The following RUBCN variants were observed in gnomAD, a reference collection of about 807,000 sequenced individuals.
The protein encoded by RUBCN is rubicon autophagy regulator, also known as run domain Beclin-1-interacting and cysteine-rich domain-containing protein.
A neutral mutation model predicts 113.2 loss-of-function variants in RUBCN; 74 were observed. The observed-to-expected ratio is 0.65, with a 90% CI of 0.54 to 0.79. RUBCN has a LOEUF of 0.79. RUBCN is among the 30% of genes least tolerant of loss of function. The probability of loss-of-function intolerance (pLI) is 0.00; values close to 1 mark genes in which losing one functional copy is unlikely to be tolerated. For synonymous variants in RUBCN, 480 were observed against 490.0 expected, an observed-to-expected ratio of 0.98 and a Z score of 0.27; for missense variants, 1,109 against 1,251.7, an observed-to-expected ratio of 0.89 and a Z score of 1.72.
chr3:197,717,273 C>T (rs1392313029), intron 2 of RUBCN, among the ~76,000 whole-genome samples: 2 of 151,838 alleles, frequency 1.3e-5, no homozygotes, highest in Non-Finnish European at 2.9e-5. Context: ...GAAACCCCGT[C>T]TCTACTAAAA....
In RUBCN at chr3:197,671,026, G is replaced by T. The variant is rs971450568; in HGVS notation, c.*3992C>A. On this transcript the variant is annotated 3_prime_UTR_variant, in exon 20 of 20. Transcript: ENST00000296343. ...GCTGGTGCTTTTTTTGTTTTGTTTT[G>T]TTTTTTTGAGACAGGGTCTCGCTCT... is the stretch of plus-strand genomic sequence containing the variant. 3.9e-5 allele frequency among the ~76,000 whole-genome samples: 6 copies of T among 151,922 alleles called. No homozygotes were observed. Among genetic ancestry groups the T allele is most frequent in the Non-Finnish European group, 7.4e-5 (5 of 67,970 alleles).
intron 1 of RUBCN, among the ~76,000 whole-genome samples, chr3:197,742,575 C>A (rs1728569463): frequency 1.3e-5 from 2 of 152,242 alleles, no homozygotes; most frequent in Non-Finnish European, 2.9e-5. Context: ...CAGCTTCCTG[C>A]AACTCTCGCT....
Position 197,749,197 on chromosome 3 carries a change from A to T in RUBCN, c.-116+72T>A, listed in dbSNP as rs572377296. 3 of 809,660 alleles carry T rather than the reference A, an allele frequency of 3.7e-6. No homozygotes were observed. The African/African-American group carries it at 5.5e-5, about 15-fold the overall frequency. 50.2% of individuals were successfully genotyped at this position (809,660 alleles called of 1,614,324 possible). On this transcript the variant is annotated intron_variant, in intron 1 of 20. Transcript: ENST00000273582. The stretch of plus-strand genomic sequence containing the variant: ...TCCCGTAGGGATGATTAAAAAGTAA[A>T]CGAACCCTTCTATCCATTCCCAATG...
upstream of RUBCN, among the ~76,000 whole-genome samples, chr3:197,737,569 T>C (rs549782440): frequency 7.1e-4 from 108 of 151,124 alleles, no homozygotes; most frequent in African/African-American, 2.4e-3. Context: ...TGGGAAGGAG[T>C]GAGCAGCAGC....
At chr3:197,684,628 G>A (rs1476722793) in intron 11 of RUBCN, among the ~76,000 whole-genome samples, 1 of 151,282 alleles carries the variant, frequency 6.6e-6, no homozygotes, top group Non-Finnish European at 1.5e-5. Flanking sequence ...GCTCCCTTAG[G>A]CAGTAACTCT....
exon 1 of RUBCN, chr3:197,749,318 G>A: frequency 2.6e-6 from 3 of 1,148,202 alleles, no homozygotes; most frequent in Non-Finnish European, 3.3e-6. Context: ...CACCGTGCCA[G>A]ATGTTTTGAG....
intron 2 of RUBCN, among the ~76,000 whole-genome samples, chr3:197,709,707 G>T (rs1489579641): frequency 6.6e-6 from 1 of 152,066 alleles, no homozygotes. Flanking sequence ...AAAACTGAGT[G>T]GTGATGGCAA....
upstream of RUBCN, chr3:197,737,053 C>A (rs1339352907): frequency 7.7e-5 from 51 of 666,648 alleles, no homozygotes; most frequent in East Asian, 3.4e-3. Flanking sequence ...CCCTCCAATC[C>A]CAGGCCGCTC....
At chr3:197,724,675 A>C (rs1341311623) in intron 1 of RUBCN, among the ~76,000 whole-genome samples, 1 of 152,252 alleles carries the variant, frequency 6.6e-6, no homozygotes, top group Non-Finnish European at 1.5e-5. Flanking sequence ...ATGATGGAAT[A>C]CCATGAAGAA....
At position 197,683,265 on chromosome 3, in the gene RUBCN, C is replaced by T; in HGVS notation, c.1980+42G>A. The T allele has an allele frequency of 6.2e-7, 1 of 1,613,878 alleles. No individual in the cohort carries two copies. The highest frequency in any genetic ancestry group is 1.1e-5 in the South Asian group (1 of 91,068). The stretch of plus-strand genomic sequence containing the variant: ...ACGAAGGAAAACAAGGTCACAGAGG[C>T]TCACGATGGCCCCTGGGTAGGAAGA... On this transcript the variant is annotated intron_variant, in intron 13 of 19. Coordinates refer to ENST00000296343, the MANE Select transcript of RUBCN (RefSeq NM_014687.4). This position sits in a 1 kb window ranked among gnomAD's most constrained non-coding sequence, Gnocchi z 4.6.
At chr3:197,685,589 C>A (rs1457343208) in intron 11 of RUBCN, among the ~76,000 whole-genome samples, 1 of 152,200 alleles carries the variant, frequency 6.6e-6, no homozygotes, top group Non-Finnish European at 1.5e-5. Flanking sequence ...TGTTGACAAA[C>A]TAATGTCTTC....
At chr3:197,699,152 A>T (rs1258211103) in intron 7 of RUBCN, 7 of 1,487,060 alleles carry the variant, frequency 4.7e-6, no homozygotes, top group Non-Finnish European at 5.5e-6. Flanking sequence ...GTCACAAAAC[A>T]GAACAAAGAG....
Position 197,682,692 on chromosome 3 carries a change from A to C in RUBCN, c.1981-77T>G, listed in dbSNP as rs1457557781. On this transcript the variant is annotated intron_variant, in intron 13 of 19. Transcript: ENST00000296343. ...CATCTGGTGAGATGGGCAGTGAGTC[A>C]GGGATGGGCAGGAGAAAAACACAGT... 2.5e-6 allele frequency: 4 copies of C among 1,588,262 alleles called. No homozygotes were observed. The African/African-American group carries it at 4.0e-5, about 16-fold the overall frequency.
Position 197,675,958 on chromosome 3 carries a change from G to T in RUBCN, c.2647-443C>A, listed in dbSNP as rs555952312. On this transcript the variant is annotated intron_variant, in intron 18 of 19. Transcript: ENST00000296343. The surrounding 1 kb of genome is among the most constrained non-coding windows in gnomAD (Gnocchi z 4.4). Reference sequence around the variant, plus strand: ...TTCCAGTTCCTCCCAGACACACAGGGTTTCCTACCTGTGCCCAGCTCGAAT... The same window carrying T: ...TTCCAGTTCCTCCCAGACACACAGGTTTTCCTACCTGTGCCCAGCTCGAAT... 6.6e-6 allele frequency among the ~76,000 whole-genome samples: 1 copy of T among 152,292 alleles called. No homozygotes were observed. Among genetic ancestry groups the T allele is most frequent in the Admixed American group, 6.5e-5 (1 of 15,298 alleles).
chr3:197,675,305 T>A lies in RUBCN; in HGVS notation c.2741-109A>T. 1 of 1,522,692 alleles carries A rather than the reference T, an allele frequency of 6.6e-7. No homozygotes were observed. Among genetic ancestry groups the A allele is most frequent in the Non-Finnish European group, 9.1e-7 (1 of 1,098,392 alleles). The allele number at this position is 1,522,692 out of a possible 1,614,324, so 94.3% of individuals were successfully genotyped here. A position where few individuals can be genotyped will look rare whatever the true frequency, so the allele number is the denominator to read the frequency against. On this transcript the variant is annotated intron_variant, in intron 19 of 19. Coordinates refer to ENST00000296343, the MANE Select transcript of RUBCN (RefSeq NM_014687.4). This position sits in a 1 kb window ranked among gnomAD's most constrained non-coding sequence, Gnocchi z 4.4. ...CTCGCCACCAAGGCGTGGTGTCCCC[T>A]GGGGAGGCCCCGCGAGGTGCTGAGT...
chr3:197,712,177 G>A (rs1222918920), intron 2 of RUBCN, among the ~76,000 whole-genome samples: 2 of 151,968 alleles, frequency 1.3e-5, no homozygotes, highest in Non-Finnish European at 2.9e-5. Flanking sequence ...AGCAATCTCA[G>A]GGGCTAAATG....
chr3:197,700,386 C>A (rs577987698), intron 7 of RUBCN: 77 of 589,950 alleles, frequency 1.3e-4, no homozygotes, highest in African/African-American at 1.0e-3. Context: ...AGTAAAGAAT[C>A]CAGGAAAACA....
intron 2 of RUBCN, among the ~76,000 whole-genome samples, chr3:197,705,889 G>C (rs778313420): frequency 6.6e-6 from 1 of 151,988 alleles, no homozygotes; most frequent in East Asian, 1.9e-4. Flanking sequence ...CATCACGCCT[G>C]GCTAATTTTT....
chr3:197,722,172 G>A (rs1726243555), intron 1 of RUBCN, among the ~76,000 whole-genome samples: 1 of 151,960 alleles, frequency 6.6e-6, no homozygotes, highest in East Asian at 1.9e-4. Context: ...GAACCCAGGA[G>A]GCAAAGGTGG....
Sources: allele counts gnomAD v4.1 joint callset (sites outside exome capture counted in the v4.1 genomes callset), GRCh38; gene constraint gnomAD v4.1.1; non-coding constraint Gnocchi (gnomAD v3.1); transcripts MANE v1.5; gene names NCBI Gene and HGNC (gene_info 2026-07-23, HGNC 2026-07-21).